ZNF536: variants seen among roughly 807,000 people sequenced by gnomAD.
ZNF536 encodes the protein zinc finger protein 536.
A neutral mutation model predicts 84.5 loss-of-function variants in ZNF536; 13 were observed. The ratio of observed to expected loss-of-function variants is 0.15; its 90% CI spans 0.10 to 0.24. The LOEUF (loss-of-function observed/expected upper bound fraction) is 0.24, where lower values mean the gene tolerates loss of function less well. ZNF536 is among the 10% of genes least tolerant of loss of function. The pLI is 1.00. For synonymous variants in ZNF536, 811 were observed against 742.5 expected, an observed-to-expected ratio of 1.09 and a Z score of -1.50; for missense variants, 1,536 against 1,747.5, an observed-to-expected ratio of 0.88 and a Z score of 2.16.
At position 30,444,376 on chromosome 19, in the gene ZNF536, G is replaced by T. The variant is rs747256293; in HGVS notation, c.814G>T (p.Ala272Ser). The T allele has an allele frequency of 2.5e-6, 4 of 1,604,260 alleles. No individual in the cohort carries two copies. Among genetic ancestry groups the T allele is most frequent in the Non-Finnish European group, 3.4e-6 (4 of 1,179,534 alleles). Residue 272 changes from alanine (A) to serine (S), a missense_variant, in exon 2 of 5, where the codon GCG becomes TCG. Physicochemically the swap from Ala to Ser is moderately conservative, Grantham distance 99. Around this residue, in one of 8 missense-constraint regions of ZNF536, gnomAD observed 138 missense variants for 136.8 expected, o/e 1.01. Transcript: ENST00000355537. ...SVQEDAVAPA[A>S]GFRCTFCKGK... ...GCAGGAGGACGCGGTGGCCCCGGCG[G>T]CGGGCTTCCGCTGTACCTTCTGCAA...
intron 3 of ZNF536, among the ~76,000 whole-genome samples, chr19:30,540,179 C>T (rs1220301787): frequency 6.6e-6 from 1 of 152,044 alleles, no homozygotes; most frequent in Non-Finnish European, 1.5e-5. Flanking sequence ...GAAGGGTACG[C>T]CCGGCACCCC....
At chr19:30,560,583 C>T (rs1057468907), downstream of ZNF536, among the ~76,000 whole-genome samples, 3 of 151,924 alleles carry the variant, frequency 2.0e-5, no homozygotes, top group Non-Finnish European at 2.9e-5. Context: ...TAAGAGACCA[C>T]CCCCCCGCCC....
At chr19:30,502,583 C>A (rs2054996249) in intron 2 of ZNF536, among the ~76,000 whole-genome samples, 1 of 152,146 alleles carries the variant, frequency 6.6e-6, no homozygotes, top group Admixed American at 6.5e-5. Context: ...GACTTATCAT[C>A]GTCTCATCAA....
At position 30,557,902 on chromosome 19, in the gene ZNF536, T is replaced by C. The variant is rs534102448; in HGVS notation, c.*738T>C. The C allele has an allele frequency of 6.5e-6, 1 of 152,762 alleles. No individual in the cohort carries two copies. Among genetic ancestry groups the C allele is most frequent in the South Asian group, 2.1e-4 (1 of 4,828 alleles). 9.5% of individuals were successfully genotyped at this position (152,762 alleles called of 1,614,324 possible). ...AATGAAGGCATGTAAGTTATAATAA[T>C]TGTAGCTTTCTGAATAAGTGTCAAA... On this transcript the variant is annotated 3_prime_UTR_variant, in exon 5 of 5. Coordinates refer to ENST00000355537, the MANE Select transcript of ZNF536 (RefSeq NM_014717.3).
chr19:30,476,811 C>T (rs984345624), intron 2 of ZNF536, among the ~76,000 whole-genome samples: 1 of 152,190 alleles, frequency 6.6e-6, no homozygotes, highest in Non-Finnish European at 1.5e-5. Flanking sequence ...TTGCGAACTT[C>T]TCCGGTCTCA....
At chr19:30,431,563 G>A (rs993807485) in intron 1 of ZNF536, among the ~76,000 whole-genome samples, 4 of 152,192 alleles carry the variant, frequency 2.6e-5, no homozygotes, top group Non-Finnish European at 2.9e-5. Flanking sequence ...TCACTCTTGC[G>A]TATGTGCATT....
intron 2 of ZNF536, among the ~76,000 whole-genome samples, chr19:30,451,744 T>C (rs2052617859): frequency 1.3e-5 from 2 of 152,212 alleles, no homozygotes. Flanking sequence ...ATCTGTGGGA[T>C]GGACACCGCT....
chr19:30,306,858 AG>A (rs1320852168), intron 2 of ZNF536, among the ~76,000 whole-genome samples: 2 of 152,242 alleles, frequency 1.3e-5, no homozygotes, highest in Non-Finnish European at 2.9e-5. Flanking sequence ...GTGAGCAAAA[AG>A]CTTAAGTGTA....
intron 4 of ZNF536, among the ~76,000 whole-genome samples, chr19:30,553,741 C>T (rs570479271): frequency 4.6e-5 from 7 of 152,262 alleles, no homozygotes; most frequent in South Asian, 2.1e-4. Flanking sequence ...GAGGCAGGGG[C>T]GTTGCATAAG....
chr19:30,434,037 G>A (rs2051599378), intron 1 of ZNF536, among the ~76,000 whole-genome samples: 1 of 151,948 alleles, frequency 6.6e-6, no homozygotes, highest in Middle Eastern at 3.4e-3. Flanking sequence ...CTGTTAGAGC[G>A]ATAAAGAAAC....
chr19:30,558,267 G>C (rs151233406), downstream of ZNF536, among the ~76,000 whole-genome samples: 643 of 152,216 alleles, frequency 4.2e-3, 7 homozygotes, highest in African/African-American at 0.015. Flanking sequence ...AAGTGGAAAA[G>C]GACCTTCCAA....
chr19:30,328,065 G>A (rs2047094723), intron 2 of ZNF536, among the ~76,000 whole-genome samples: 1 of 152,194 alleles, frequency 6.6e-6, no homozygotes, highest in Admixed American at 6.5e-5. Context: ...CACATCAAAT[G>A]CTTGGCAGAG....
intron 1 of ZNF536, among the ~76,000 whole-genome samples, chr19:30,563,132 C>T (rs775887616): frequency 2.0e-5 from 3 of 152,030 alleles, no homozygotes; most frequent in Non-Finnish European, 2.9e-5. Flanking sequence ...CGATGAAGAC[C>T]GAGAACCCGC....
intron 2 of ZNF536, among the ~76,000 whole-genome samples, chr19:30,491,537 A>G (rs142017416): frequency 2.0e-5 from 3 of 152,312 alleles, no homozygotes; most frequent in Non-Finnish European, 4.4e-5. Context: ...GATCAGACCC[A>G]CTTCATCTGT....
intron 2 of ZNF536, among the ~76,000 whole-genome samples, chr19:30,327,907 A>G (rs759105268): frequency 2.0e-5 from 3 of 152,208 alleles, no homozygotes; most frequent in Non-Finnish European, 2.9e-5. Flanking sequence ...TATATTACCC[A>G]GTCAGTAGAA....
At position 30,549,382 on chromosome 19, in the gene ZNF536, C is replaced by T. The variant is rs2146254023; in HGVS notation, c.3763C>T (p.Pro1255Ser). Residue 1255 changes from proline (P) to serine (S), a missense_variant, in exon 4 of 5, where the codon CCC becomes TCC. Physicochemically the swap from Pro to Ser is moderately conservative, Grantham distance 74. Transcript: ENST00000355537. The stretch of plus-strand genomic sequence containing the variant: ...GGGCCTGCCAAAGCCGGAGCGGGGG[C>T]CCCAGAGCCTGGACAAGCCGATGAA... ...LAGLPKPERG[P>S]QSLDKPMNML... 1.3e-6 allele frequency: 2 copies of T among 1,598,362 alleles called. No homozygotes were observed. Among genetic ancestry groups the T allele is most frequent in the Non-Finnish European group, 1.7e-6 (2 of 1,171,906 alleles).
intron 1 of ZNF536, among the ~76,000 whole-genome samples, chr19:30,648,239 G>A (rs796143926): frequency 1.1e-4 from 16 of 152,254 alleles, no homozygotes; most frequent in African/African-American, 3.6e-4. Context: ...CACAAGAAGC[G>A]GTTCCGAGTC....
At chr19:30,540,252 T>C (rs2045277315) in intron 3 of ZNF536, among the ~76,000 whole-genome samples, 1 of 151,632 alleles carries the variant, frequency 6.6e-6, no homozygotes, top group South Asian at 2.1e-4. Context: ...CTCACCTGTA[T>C]TCTTGTCCCT....
At chr19:30,624,148 T>A (rs2048590762) in intron 1 of ZNF536, among the ~76,000 whole-genome samples, 1 of 152,146 alleles carries the variant, frequency 6.6e-6, no homozygotes, top group Admixed American at 6.5e-5. Flanking sequence ...AGCATAGTAG[T>A]CAGGTGGATG....
Sources: allele counts gnomAD v4.1 joint callset (sites outside exome capture counted in the v4.1 genomes callset), GRCh38; gene constraint gnomAD v4.1.1; regional missense constraint gnomAD v4.1.1; transcripts MANE v1.5; gene names NCBI Gene and HGNC (gene_info 2026-07-23, HGNC 2026-07-21).